The following NOSTRIN variants were observed in gnomAD, a reference collection of about 807,000 sequenced individuals.
The protein encoded by NOSTRIN is nitric oxide synthase trafficking, also known as BM247 homolog.
Under a neutral mutation model 59.0 loss-of-function variants are expected in NOSTRIN, and 63 were observed. The ratio of observed to expected loss-of-function variants is 1.07; its 90% CI spans 0.87 to 1.32. The LOEUF (loss-of-function observed/expected upper bound fraction) is 1.32. Among genes scored for constraint, NOSTRIN ranks in the 40% most tolerant of loss-of-function variants. NOSTRIN has a pLI of 0.00. For missense variants in NOSTRIN, 512 were observed against 473.1 expected (o/e 1.08, Z -0.76); for synonymous variants, 200 against 165.4 (o/e 1.21, Z -1.61).
intron 2 of NOSTRIN, among the ~76,000 whole-genome samples, chr2:168,818,841 A>ATT (rs5836205): frequency 6.6e-6 from 1 of 151,732 alleles, no homozygotes; most frequent in South Asian, 2.1e-4. Flanking sequence ...ATATTAAAAA[A>ATT]TTTTTTTAAT....
chr2:168,859,674 G>A, intron 13 of NOSTRIN, 37 bp downstream of exon 13: 2 of 1,609,192 alleles, frequency 1.2e-6, no homozygotes, highest in Non-Finnish European at 1.7e-6. Context: ...TTTCTTGATT[G>A]GGCCTGCTGG....
chr2:168,826,861 T>G (rs1357315788), intron 3 of NOSTRIN, among the ~76,000 whole-genome samples: 1 of 152,220 alleles, frequency 6.6e-6, no homozygotes, highest in Non-Finnish European at 1.5e-5. Context: ...GCCAAAAGAT[T>G]TATCATGCCT....
At chr2:168,844,818 C>T (rs1247794821) in intron 8 of NOSTRIN, among the ~76,000 whole-genome samples, 3 of 150,954 alleles carry the variant, frequency 2.0e-5, no homozygotes, top group African/African-American at 4.9e-5. Flanking sequence ...TGCAGTGAGC[C>T]GAGATCATGC....
intron 1 of NOSTRIN, among the ~76,000 whole-genome samples, chr2:168,804,911 C>T (rs1685770863): frequency 1.3e-5 from 2 of 152,084 alleles, no homozygotes; most frequent in East Asian, 3.8e-4. Context: ...TTTATGATAA[C>T]ATTACAGTTG....
intron 3 of NOSTRIN, among the ~76,000 whole-genome samples, chr2:168,827,712 C>T (rs1045155239): frequency 5.9e-5 from 9 of 151,820 alleles, no homozygotes; most frequent in Non-Finnish European, 1.2e-4. Context: ...GGACTATGGG[C>T]GTGCATCACC....
chr2:168,796,530 A>G (rs1220515628), upstream of NOSTRIN, among the ~76,000 whole-genome samples: 1 of 152,184 alleles, frequency 6.6e-6, no homozygotes, highest in African/African-American at 2.4e-5. Flanking sequence ...GTTCTTGGCA[A>G]ACTTGTCAGA....
chr2:168,816,271 G>A (rs552445993), intron 2 of NOSTRIN, among the ~76,000 whole-genome samples: 18 of 152,204 alleles, frequency 1.2e-4, no homozygotes, highest in African/African-American at 3.6e-4. Context: ...TGTCTTTAAC[G>A]CGCCTTTCAC....
At chr2:168,788,400 CGGAGTGGAATGATG>C (rs1559095315) in intron 2 of NOSTRIN, among the ~76,000 whole-genome samples, 1 of 152,010 alleles carries the variant, frequency 6.6e-6, no homozygotes, top group Non-Finnish European at 1.5e-5. Flanking sequence ...CACTGTGGCC[CGGAGTGGAATGATG>C]GGAGCCAAAT....
chr2:168,801,137 T>G (rs541764459), upstream of NOSTRIN: 56 of 152,184 alleles, frequency 3.7e-4, no homozygotes, highest in African/African-American at 1.3e-3. Flanking sequence ...TCAAGTTCTT[T>G]GGATAAGCAA....
intron 10 of NOSTRIN, among the ~76,000 whole-genome samples, chr2:168,853,730 C>T (rs1300502958): frequency 6.6e-6 from 1 of 152,172 alleles, no homozygotes; most frequent in Non-Finnish European, 1.5e-5. Flanking sequence ...GCTTGCGCCT[C>T]AGCTGTGGGA....
At chr2:168,840,529 CAAAAAA>C (rs59235003) in intron 7 of NOSTRIN, among the ~76,000 whole-genome samples, 1 of 99,324 alleles carries the variant, frequency 1.0e-5, no homozygotes, top group Admixed American at 1.3e-4. Context: ...GACTCCATCT[CAAAAAA>C]AAAAAAAAAA....
chr2:168,842,866 A>T, intron 7 of NOSTRIN, 126 bp from the exon 8 acceptor site: 1 of 664,730 alleles, frequency 1.5e-6, no homozygotes, highest in Admixed American at 2.5e-5. Context: ...AACTATAGTC[A>T]CTGTTTATGA....
At chr2:168,863,616 T>C (rs1689626497) in intron 15 of NOSTRIN, 15 of 985,292 alleles carry the variant, frequency 1.5e-5, no homozygotes, top group Non-Finnish European at 1.7e-5. Context: ...GTTGTCTAAG[T>C]TGTTGAATGG....
chr2:168,826,329 T>TA (rs911874405), intron 3 of NOSTRIN, among the ~76,000 whole-genome samples: 53 of 152,318 alleles, frequency 3.5e-4, no homozygotes, highest in African/African-American at 1.2e-3. Flanking sequence ...GTACAGTATT[T>TA]AACAGTAAAC....
chr2:168,845,058 G>A (rs1688330967), intron 8 of NOSTRIN, among the ~76,000 whole-genome samples: 1 of 146,150 alleles, frequency 6.8e-6, no homozygotes, highest in Non-Finnish European at 1.5e-5. Context: ...AAGGAGAGAT[G>A]AAAACTTGGG....
intron 1 of NOSTRIN, chr2:168,786,737 G>T (rs1334771679): frequency 6.6e-6 from 1 of 152,030 alleles, no homozygotes; most frequent in African/African-American, 2.4e-5. Context: ...ACTTCCTTTC[G>T]TTCCTGCCCT....
intron 13 of NOSTRIN, 50 bp from the exon 14 acceptor site, chr2:168,860,745 G>A: frequency 8.8e-7 from 1 of 1,134,226 alleles, no homozygotes; most frequent in Non-Finnish European, 1.3e-6. Context: ...TTTCATGAAT[G>A]TTTATGATAA....
chr2:168,820,071 G>T (rs141659981), intron 2 of NOSTRIN, among the ~76,000 whole-genome samples: 228 of 152,320 alleles, frequency 1.5e-3, no homozygotes, highest in Non-Finnish European at 2.8e-3. Context: ...GTGAGAGGCG[G>T]TATCAATTTT....
upstream of NOSTRIN, among the ~76,000 whole-genome samples, chr2:168,798,797 C>T (rs1322225440): frequency 1.3e-4 from 3 of 23,186 alleles, no homozygotes; most frequent in South Asian, 2.2e-3. Context: ...GGAGATGCTT[C>T]GATCGATCGA....
Sources: allele counts gnomAD v4.1 joint callset (sites outside exome capture counted in the v4.1 genomes callset), GRCh38; gene constraint gnomAD v4.1.1; transcripts MANE v1.5; gene names NCBI Gene and HGNC (gene_info 2026-07-23, HGNC 2026-07-21).